The following EFNA5 variants were observed in gnomAD, a reference collection of about 807,000 sequenced individuals.
EFNA5 encodes the protein ephrin A5.
In EFNA5, 5 loss-of-function variants were observed where a neutral mutation model predicts 22.9. The observed-to-expected ratio is 0.22, with a 90% CI of 0.11 to 0.46. The LOEUF (loss-of-function observed/expected upper bound fraction) is 0.46, where lower values mean the gene tolerates loss of function less well. Among genes scored for constraint, EFNA5 ranks in the 20% least tolerant of loss-of-function variants. The probability of loss-of-function intolerance (pLI) is 0.99; values close to 1 mark genes in which losing one functional copy is unlikely to be tolerated. For missense variants in EFNA5, 237 were observed against 293.3 expected (o/e 0.81, Z 1.40); for synonymous variants, 113 against 112.2 (o/e 1.01, Z -0.04).
At chr5:107,488,693 A>C (rs1275647078) in intron 1 of EFNA5, among the ~76,000 whole-genome samples, 1 of 151,304 alleles carries the variant, frequency 6.6e-6, no homozygotes, top group Non-Finnish European at 1.5e-5. Context: ...AAAAACAAAA[A>C]AACTCTTTTT....
intron 1 of EFNA5, among the ~76,000 whole-genome samples, chr5:107,487,280 T>A (rs1188982597): frequency 1.3e-5 from 2 of 152,162 alleles, no homozygotes; most frequent in Non-Finnish European, 2.9e-5. Context: ...ATTCACTTCC[T>A]CTGTGAGGCC....
intron 1 of EFNA5, among the ~76,000 whole-genome samples, chr5:107,439,282 C>T (rs780128200): frequency 3.9e-5 from 6 of 152,252 alleles, no homozygotes; most frequent in Non-Finnish European, 7.4e-5. Flanking sequence ...AGCCCCCCAC[C>T]GGAAATCAAC....
rs1470964670 is a variant in EFNA5 at position 107,604,507 on chromosome 5, G to A, written c.125+65982C>T. 2.0e-5 allele frequency among the ~76,000 whole-genome samples: 3 copies of A among 152,170 alleles called. No individual in the cohort carries two copies. The South Asian group carries it at 6.2e-4, about 32-fold the overall frequency. ...TCAGTGAAGGAAATAACTTAATTCA[G>A]CACACTGCTCTACAAGCATCTGTCT... On this transcript the variant is annotated intron_variant, in intron 1 of 4. Transcript: ENST00000333274.
intron 1 of EFNA5, among the ~76,000 whole-genome samples, chr5:107,540,744 G>T (rs1748029244): frequency 6.6e-6 from 1 of 152,188 alleles, no homozygotes; most frequent in Non-Finnish European, 1.5e-5. Flanking sequence ...TTTTGAGTGA[G>T]AAAGCCTAAT....
intron 1 of EFNA5, among the ~76,000 whole-genome samples, chr5:107,490,162 T>C (rs1253805262): frequency 6.6e-6 from 1 of 152,214 alleles, no homozygotes; most frequent in Non-Finnish European, 1.5e-5. Context: ...AAACCCGCTT[T>C]GTATAACTTG....
At chr5:107,587,367 GA>G (rs1217485133) in intron 1 of EFNA5, among the ~76,000 whole-genome samples, 1 of 151,810 alleles carries the variant, frequency 6.6e-6, no homozygotes, top group Non-Finnish European at 1.5e-5. Context: ...TGTATGCTGG[GA>G]AAAAAAGGAG....
In EFNA5 at chr5:107,637,522, G is replaced by GTC. The variant is rs1201687880; in HGVS notation, c.125+32966_125+32967insGA. Among the ~76,000 whole-genome samples the GTC allele has an allele frequency of 3.6e-4, 54 of 151,494 alleles. 1 individual carries two copies. The highest frequency in any genetic ancestry group is 6.2e-4 in the Non-Finnish European group (42 of 67,816). Reference sequence around the variant, plus strand: ...TGTGTGTGTGTGTGTGTGTGTCTGTGTGTGTGTGTGTGTGTGTGTGGGTTT... The same window carrying GTC: ...TGTGTGTGTGTGTGTGTGTGTCTGTGTCTGTGTGTGTGTGTGTGTGTGGGTTT... On this transcript the variant is annotated intron_variant, in intron 1 of 4. Coordinates refer to ENST00000333274, the MANE Select transcript of EFNA5 (RefSeq NM_001962.3).
chr5:107,554,553 T>G (rs1486377775), intron 1 of EFNA5, among the ~76,000 whole-genome samples: 10 of 152,138 alleles, frequency 6.6e-5, no homozygotes, highest in Non-Finnish European at 4.4e-5. Context: ...ATAGAAACAT[T>G]AGGTGGAAGA....
chr5:107,415,847 C>T (rs1274727266), intron 2 of EFNA5, among the ~76,000 whole-genome samples: 1 of 152,184 alleles, frequency 6.6e-6, no homozygotes, highest in African/African-American at 2.4e-5. Flanking sequence ...TTTGCAGCTG[C>T]TGTGCTGCTT....
At chr5:107,644,915 G>A (rs1047970070) in intron 1 of EFNA5, among the ~76,000 whole-genome samples, 2 of 152,102 alleles carry the variant, frequency 1.3e-5, no homozygotes, top group Non-Finnish European at 2.9e-5. Context: ...TGGTCAGGCC[G>A]GTCTCGAACT....
At chr5:107,390,088 C>A (rs1398430241) in intron 2 of EFNA5, among the ~76,000 whole-genome samples, 3 of 152,216 alleles carry the variant, frequency 2.0e-5, no homozygotes, top group African/African-American at 7.2e-5. Flanking sequence ...AAACTCCTAA[C>A]CCTTACAGCC....
At chr5:107,499,610 T>G (rs184468133) in intron 1 of EFNA5, among the ~76,000 whole-genome samples, 3 of 152,360 alleles carry the variant, frequency 2.0e-5, no homozygotes, top group African/African-American at 7.2e-5. Context: ...TGCCCACAGA[T>G]GGACTAGCAT....
intron 1 of EFNA5, among the ~76,000 whole-genome samples, chr5:107,431,033 C>A (rs552041522): frequency 2.6e-5 from 4 of 152,090 alleles, no homozygotes; most frequent in Non-Finnish European, 5.9e-5. Context: ...CTCGGCCTCC[C>A]GAAGTGCTGG....
chr5:107,521,622 G>A (rs1747602030), intron 1 of EFNA5, among the ~76,000 whole-genome samples: 1 of 151,710 alleles, frequency 6.6e-6, no homozygotes, highest in African/African-American at 2.4e-5. Flanking sequence ...GTCTACCCTA[G>A]TGATTGCGCG....
chr5:107,387,207 T>C (rs774993870), intron 4 of EFNA5, 28 bp downstream of exon 4: 3 of 1,502,386 alleles, frequency 2.0e-6, no homozygotes, highest in Non-Finnish European at 2.7e-6. Flanking sequence ...GATGCATTTG[T>C]TAAAAGAGAT....
At chr5:107,575,260 C>G (rs1256636966) in intron 1 of EFNA5, among the ~76,000 whole-genome samples, 1 of 152,104 alleles carries the variant, frequency 6.6e-6, no homozygotes, top group Non-Finnish European at 1.5e-5. Context: ...GGAAAAATAT[C>G]ATATTTTGTA....
intron 1 of EFNA5, among the ~76,000 whole-genome samples, chr5:107,581,243 G>C (rs1337929173): frequency 3.3e-5 from 5 of 152,112 alleles, no homozygotes; most frequent in African/African-American, 7.2e-5. Flanking sequence ...AGGTTAAACT[G>C]TTTCATAAAC....
chr5:107,578,575 G>C (rs1202423924), intron 1 of EFNA5, among the ~76,000 whole-genome samples: 1 of 149,874 alleles, frequency 6.7e-6, no homozygotes, highest in Non-Finnish European at 1.5e-5. Flanking sequence ...ATATGTAAAA[G>C]AATACCAGAA....
In EFNA5 at chr5:107,494,201, T is replaced by C. The variant is rs1746897410; in HGVS notation, c.126-66692A>G. Among the ~76,000 whole-genome samples, 3 of 152,156 alleles carry C rather than the reference T, an allele frequency of 2.0e-5. No homozygotes were observed. The South Asian group carries it at 6.2e-4, about 32-fold the overall frequency. On this transcript the variant is annotated intron_variant, in intron 1 of 4. Coordinates refer to ENST00000333274, the MANE Select transcript of EFNA5 (RefSeq NM_001962.3). ...GCACTGTGGGAGCCCTTTTCTGGGC[T>C]GGCCAAGACCGGAGCCCGCTCCCTC...
Sources: allele counts gnomAD v4.1 joint callset (sites outside exome capture counted in the v4.1 genomes callset), GRCh38; gene constraint gnomAD v4.1.1; transcripts MANE v1.5; gene names NCBI Gene and HGNC (gene_info 2026-07-23, HGNC 2026-07-21).